PUDP: variants seen among roughly 807,000 people sequenced by gnomAD.
The protein encoded by PUDP is pseudouridine-5'-phosphatase.
PUDP carries 8 observed loss-of-function variants against 9.4 expected under a neutral mutation model. That is an observed-to-expected ratio of 0.85 (90% confidence interval 0.50 to 1.53). The LOEUF (loss-of-function observed/expected upper bound fraction) is 1.53. Ranked by LOEUF, PUDP falls within the 40% of genes most tolerant of loss-of-function variation. The pLI, the probability that PUDP is intolerant of heterozygous loss-of-function variation, is 0.00. For missense variants in PUDP, 188 were observed against 189.7 expected (o/e 0.99, Z 0.05); for synonymous variants, 99 against 80.7 (o/e 1.23, Z -1.22).
intron 2 of PUDP, among the ~76,000 whole-genome samples, chrX:7,096,839 T>C (rs748463703): frequency 9.1e-6 from 1 of 109,787 alleles, no homozygotes; most frequent in African/African-American, 3.3e-5. Flanking sequence ...GTGTCTCCAA[T>C]GGAAAAAAAA....
chrX:6,963,923 T>G (rs960282739), intron 3 of PUDP, among the ~76,000 whole-genome samples: 1 of 112,256 alleles, frequency 8.9e-6, no homozygotes, highest in African/African-American at 3.2e-5. Context: ...TGGGAGGAAT[T>G]GACTCTTCGG....
intron 1 of PUDP, among the ~76,000 whole-genome samples, chrX:6,980,624 T>C (rs1929019185): frequency 9.2e-6 from 1 of 109,183 alleles, no homozygotes; most frequent in Non-Finnish European, 1.9e-5. Flanking sequence ...TCTGTATCCA[T>C]GGGTTTCGCA....
rs969699795 is a variant in PUDP, at chrX:6,967,002, C to T, written c.*247+10131G>A. On this transcript the variant is annotated intron_variant and NMD_transcript_variant, in intron 3 of 3. Coordinates refer to the PUDP transcript ENST00000655425. ...GGAAGGTAAGGGAAGTGCACCACTG[C>T]CTTCTCTCTGGACTGGAAAGAGACG... is the stretch of plus-strand genomic sequence containing the variant. Among the ~76,000 whole-genome samples, 9 of 111,593 alleles carry T rather than the reference C, an allele frequency of 8.1e-5. No homozygotes were observed. The South Asian group carries it at 1.1e-3, about 14-fold the overall frequency.
intron 1 of PUDP, among the ~76,000 whole-genome samples, chrX:7,134,609 T>G (rs1247920195): frequency 1.8e-5 from 2 of 111,846 alleles, no homozygotes; most frequent in African/African-American, 6.5e-5. Flanking sequence ...GGGTAGCAAA[T>G]GGCAAAAAGT....
chrX:6,833,439 G>A (rs188494969), intron 3 of PUDP, among the ~76,000 whole-genome samples: 184 of 111,389 alleles, frequency 1.7e-3, no homozygotes, highest in African/African-American at 5.6e-3. Context: ...ATGAATGGAA[G>A]ATAGATGGAT....
chrX:6,987,779 C>A (rs1199298357), intron 1 of PUDP, among the ~76,000 whole-genome samples: 1 of 112,455 alleles, frequency 8.9e-6, no homozygotes, highest in Admixed American at 9.4e-5. Context: ...TATTTACTAC[C>A]TGGCTTTTAC....
At chrX:7,120,732 C>T (rs1236105989) in intron 1 of PUDP, among the ~76,000 whole-genome samples, 1 of 112,188 alleles carries the variant, frequency 8.9e-6, no homozygotes, top group Non-Finnish European at 1.9e-5. Flanking sequence ...TCATTTGTAA[C>T]AGCTAAAAAC....
chrX:7,137,856 C>G (rs1277000945), intron 1 of PUDP, among the ~76,000 whole-genome samples: 4 of 112,139 alleles, frequency 3.6e-5, no homozygotes, highest in Non-Finnish European at 7.5e-5. Flanking sequence ...TGTCCACACA[C>G]ACAGGCATTA....
intron 3 of PUDP, among the ~76,000 whole-genome samples, chrX:6,875,909 T>C (rs1439093715): frequency 8.9e-6 from 1 of 112,474 alleles, no homozygotes; most frequent in African/African-American, 3.2e-5. Flanking sequence ...AACATGTTTG[T>C]TATTTGAAAA....
At chrX:6,946,486 A>C (rs1928466649) in intron 3 of PUDP, among the ~76,000 whole-genome samples, 2 of 111,893 alleles carry the variant, frequency 1.8e-5, no homozygotes, top group South Asian at 7.4e-4. Context: ...ATAAGAAATA[A>C]AGCTCTTCTT....
At chrX:6,943,108 A>C (rs1458116568) in intron 3 of PUDP, among the ~76,000 whole-genome samples, 1 of 112,010 alleles carries the variant, frequency 8.9e-6, no homozygotes, top group Non-Finnish European at 1.9e-5. Flanking sequence ...TGCATGGTGA[A>C]AGTCCTTACC....
At chrX:6,899,825 C>T (rs907112165) in intron 3 of PUDP, among the ~76,000 whole-genome samples, 5 of 111,134 alleles carry the variant, frequency 4.5e-5, no homozygotes, top group African/African-American at 1.6e-4. Flanking sequence ...GGAAATGCCC[C>T]TTCTGGATGA....
At chrX:6,975,210 C>T (rs1928934956) in intron 3 of PUDP, among the ~76,000 whole-genome samples, 1 of 110,319 alleles carries the variant, frequency 9.1e-6, no homozygotes. Flanking sequence ...AAGCCTATTT[C>T]TGTCAATTCA....
chrX:7,122,666 T>C (rs749152232), intron 1 of PUDP, among the ~76,000 whole-genome samples: 50 of 111,795 alleles, frequency 4.5e-4, no homozygotes, highest in African/African-American at 1.6e-3. Flanking sequence ...TCCCGCGCAA[T>C]TGCTCTGAGT....
At chrX:6,919,008 C>G (rs1927977945) in intron 3 of PUDP, among the ~76,000 whole-genome samples, 1 of 111,890 alleles carries the variant, frequency 8.9e-6, no homozygotes, top group Admixed American at 9.5e-5. Context: ...ATTAATTCTG[C>G]AACACAGAAT....
chrX:7,067,161 T>G (rs1474014759), intron 3 of PUDP, among the ~76,000 whole-genome samples: 1 of 112,122 alleles, frequency 8.9e-6, no homozygotes, highest in East Asian at 2.8e-4. Flanking sequence ...TTCTCTAGCA[T>G]TTAGTGAAAT....
At chrX:6,768,649 T>C (rs1360629681) in intron 3 of PUDP, among the ~76,000 whole-genome samples, 18 of 111,811 alleles carry the variant, frequency 1.6e-4, no homozygotes, top group Non-Finnish European at 7.5e-5. Flanking sequence ...AAAATTAAAG[T>C]CTTTTAAAAA....
chrX:6,793,484 C>G (rs756097467), intron 3 of PUDP, among the ~76,000 whole-genome samples: 6 of 111,878 alleles, frequency 5.4e-5, no homozygotes, highest in Non-Finnish European at 9.4e-5. Context: ...TGGAAAGACA[C>G]AAAAATTCGA....
rs915319600 is a variant in PUDP, at chrX:6,802,590, C to G, written c.*248-96124G>C. On this transcript the variant is annotated intron_variant and NMD_transcript_variant, in intron 3 of 3. Coordinates refer to the PUDP transcript ENST00000655425. ...AGTCTGTGGGAAAATGGTAACATAACTAGAGCTGGAGGGCTGGGTGCGGTG... is the reference window on the plus strand; with the variant it reads ...AGTCTGTGGGAAAATGGTAACATAAGTAGAGCTGGAGGGCTGGGTGCGGTG... Among the ~76,000 whole-genome samples the G allele has an allele frequency of 2.7e-5, 3 of 110,821 alleles. No homozygotes were observed. The Admixed American group carries it at 2.9e-4, about 11-fold the overall frequency.
Sources: gnomAD v4.1 joint callset for allele counts (sites outside exome capture counted in the v4.1 genomes callset) on GRCh38, gnomAD v4.1.1 for gene constraint, MANE v1.5 for transcripts, NCBI Gene and HGNC (gene_info 2026-07-23, HGNC 2026-07-21) for gene names.